Variants in DPH6 observed in about 807,000 individuals in gnomAD.
DPH6 encodes diphthamine biosynthesis 6, also known as diphthine--ammonia ligase.
In DPH6, 33 loss-of-function variants were observed where a neutral mutation model predicts 38.2. The ratio of observed to expected loss-of-function variants is 0.86; its 90% CI spans 0.65 to 1.15. DPH6 has a LOEUF of 1.15. Ranked by LOEUF, DPH6 falls within the 50% of genes most tolerant of loss-of-function variation. The pLI, the probability that DPH6 is intolerant of heterozygous loss-of-function variation, is 0.00. For synonymous variants in DPH6, 108 were observed against 103.0 expected (o/e 1.05, Z -0.30); for missense variants, 325 against 320.0 (o/e 1.02, Z -0.12).
At chr15:35,282,477 C>G (rs984953355) in intron 3 of DPH6, 1 of 185,368 alleles carries the variant, frequency 5.4e-6, no homozygotes, top group Non-Finnish European at 1.1e-5. Flanking sequence ...CCACACCCAG[C>G]AGTTTTCACA....
intron 3 of DPH6, among the ~76,000 whole-genome samples, chr15:35,244,297 G>A (rs1241525371): frequency 6.6e-6 from 1 of 152,148 alleles, no homozygotes; most frequent in Non-Finnish European, 1.5e-5. Flanking sequence ...GGAACTGGAA[G>A]AGTTCCTTGA....
chr15:35,225,725 T>C (rs1459483238), intron 3 of DPH6, among the ~76,000 whole-genome samples: 1 of 152,218 alleles, frequency 6.6e-6, no homozygotes, highest in African/African-American at 2.4e-5. Flanking sequence ...CTAGGTGTGC[T>C]TGCTGTCACT....
intron 3 of DPH6, among the ~76,000 whole-genome samples, chr15:35,270,050 C>A (rs1016347903): frequency 6.6e-6 from 1 of 152,066 alleles, no homozygotes; most frequent in South Asian, 2.1e-4. Flanking sequence ...CCGCCCGCCT[C>A]GGCCTCCCAA....
At chr15:35,400,504 AACAT>A (rs1211988540) in intron 6 of DPH6, among the ~76,000 whole-genome samples, 1 of 152,222 alleles carries the variant, frequency 6.6e-6, no homozygotes, top group Non-Finnish European at 1.5e-5. Context: ...TAGTAATGCA[AACAT>A]ACAATCAGAG....
rs569885359 is a variant in DPH6, at chr15:35,419,445, G to T, written c.506-8549C>A. 2.7e-3 allele frequency among the ~76,000 whole-genome samples: 416 copies of T among 152,114 alleles called. 1 individual carries two copies. Among genetic ancestry groups the T allele is most frequent in the Non-Finnish European group, 4.1e-3 (282 of 67,966 alleles). ...GTTGTGTTATGAGTTATCTCAACAC[G>T]TGACTTCTTTGCTTTGAATGTAAAT... On this transcript the variant is annotated intron_variant, in intron 5 of 8. Coordinates refer to ENST00000256538, the MANE Select transcript of DPH6 (RefSeq NM_080650.4).
intron 1 of DPH6, among the ~76,000 whole-genome samples, chr15:35,545,893 T>C (rs1455155889): frequency 1.3e-5 from 2 of 152,088 alleles, no homozygotes; most frequent in Non-Finnish European, 2.9e-5. Context: ...GTTTAAGGGC[T>C]AGAAGACCAG....
the DPH6 span, among the ~76,000 whole-genome samples, chr15:35,177,191 A>C: frequency 6.6e-6 from 1 of 152,144 alleles, no homozygotes; most frequent in Non-Finnish European, 1.5e-5. Context: ...GGCTAGACTT[A>C]TGGAGAAAAG....
intron 3 of DPH6, among the ~76,000 whole-genome samples, chr15:35,230,591 T>TAGTC (rs2051510532): frequency 6.6e-6 from 1 of 152,120 alleles, no homozygotes; most frequent in Non-Finnish European, 1.5e-5. Flanking sequence ...TCTTGCCCTG[T>TAGTC]AGTCACAACT....
intron 3 of DPH6, among the ~76,000 whole-genome samples, chr15:35,477,566 C>A (rs2054277742): frequency 6.6e-6 from 1 of 151,662 alleles, no homozygotes; most frequent in South Asian, 2.1e-4. Context: ...TAGGTCAGAC[C>A]AGTGTAATAT....
intron 3 of DPH6, among the ~76,000 whole-genome samples, chr15:35,515,581 C>T (rs1281987239): frequency 2.0e-5 from 3 of 151,876 alleles, no homozygotes; most frequent in Non-Finnish European, 4.4e-5. Flanking sequence ...ATTAGCCGGG[C>T]ACGGTGGCGG....
intron 3 of DPH6, among the ~76,000 whole-genome samples, chr15:35,526,842 A>G (rs1286701150): frequency 1.3e-5 from 2 of 152,168 alleles, no homozygotes. Flanking sequence ...CTTTAGGTTA[A>G]CCCTCTTTAT....
At chr15:35,351,677 T>G (rs574556037) in intron 3 of DPH6, among the ~76,000 whole-genome samples, 1 of 152,182 alleles carries the variant, frequency 6.6e-6, no homozygotes. Flanking sequence ...CTCTATACTT[T>G]ACTCCTCCCC....
At chr15:35,405,320 C>T (rs1164844026) in intron 6 of DPH6, among the ~76,000 whole-genome samples, 3 of 151,954 alleles carry the variant, frequency 2.0e-5, no homozygotes, top group African/African-American at 7.2e-5. Context: ...ATTTTAATAA[C>T]ATTGATTCTT....
At chr15:35,400,919 A>C (rs1161756875) in intron 6 of DPH6, 12 of 1,036,128 alleles carry the variant, frequency 1.2e-5, no homozygotes, top group Non-Finnish European at 1.8e-5. Context: ...GCAAGGCCAC[A>C]CAAGGTGGAT....
chr15:35,369,917 C>A (rs1480120873), downstream of DPH6, among the ~76,000 whole-genome samples: 1 of 151,582 alleles, frequency 6.6e-6, no homozygotes, highest in Non-Finnish European at 1.5e-5. Flanking sequence ...ATGGTCAATA[C>A]AATACGGAAG....
chr15:35,431,818 C>T (rs554477258), intron 5 of DPH6, among the ~76,000 whole-genome samples: 2 of 152,064 alleles, frequency 1.3e-5, no homozygotes, highest in East Asian at 1.9e-4. Context: ...GATGGAGTCT[C>T]GCTCTGTCGC....
downstream of DPH6, among the ~76,000 whole-genome samples, chr15:35,329,783 C>T (rs2052312947): frequency 6.6e-6 from 1 of 152,154 alleles, no homozygotes; most frequent in Admixed American, 6.5e-5. Context: ...AATGTGAGCA[C>T]TGACATTTTC....
chr15:35,168,400 G>A, the DPH6 span, among the ~76,000 whole-genome samples: 41 of 152,002 alleles, frequency 2.7e-4, 1 homozygote, highest in East Asian at 1.9e-3. Context: ...ATTGTGTCCA[G>A]GAATATGCAT....
At chr15:35,181,712 C>T in the DPH6 span, 1 of 152,042 alleles carries the variant, frequency 6.6e-6, no homozygotes, top group African/African-American at 2.4e-5. Context: ...AAAGGTTTTA[C>T]AATAGTTCAC....
Sources: allele counts gnomAD v4.1 joint callset (sites outside exome capture counted in the v4.1 genomes callset), GRCh38; gene constraint gnomAD v4.1.1; transcripts MANE v1.5; gene names NCBI Gene and HGNC (gene_info 2026-07-23, HGNC 2026-07-21).